FOXK2: variants seen among roughly 807,000 people sequenced by gnomAD.
FOXK2 encodes forkhead box K2, also known as forkhead box protein K2.
Under a neutral mutation model 53.3 loss-of-function variants are expected in FOXK2, and 24 were observed. That is an observed-to-expected ratio of 0.45 (90% confidence interval 0.33 to 0.63). The LOEUF is 0.63. FOXK2 is among the 30% of genes least tolerant of loss of function. The pLI, the probability that FOXK2 is intolerant of heterozygous loss-of-function variation, is 0.03. For missense variants in FOXK2, 952 were observed against 910.5 expected (o/e 1.05, Z -0.59); for synonymous variants, 505 against 407.1 (o/e 1.24, Z -2.89).
chr17:82,558,151 T>C (rs2044752020), intron 1 of FOXK2, among the ~76,000 whole-genome samples: 1 of 152,016 alleles, frequency 6.6e-6, no homozygotes. Context: ...TGGGTGACAT[T>C]GGGAGACCTT....
intron 1 of FOXK2, among the ~76,000 whole-genome samples, chr17:82,521,328 G>T (rs2044359513): frequency 1.3e-5 from 2 of 151,848 alleles, no homozygotes; most frequent in Non-Finnish European, 2.9e-5. Flanking sequence ...GCCTGCCACC[G>T]CGCCCGGCTA....
At chr17:82,524,219 C>G (rs1042021554) in intron 1 of FOXK2, among the ~76,000 whole-genome samples, 1 of 152,208 alleles carries the variant, frequency 6.6e-6, no homozygotes, top group Non-Finnish European at 1.5e-5. Context: ...ATGCTTATTT[C>G]AGATTTGTCT....
At chr17:82,558,935 G>T (rs1265679550) in intron 1 of FOXK2, among the ~76,000 whole-genome samples, 2 of 152,028 alleles carry the variant, frequency 1.3e-5, no homozygotes, top group East Asian at 3.9e-4. Flanking sequence ...TTTTTCAGTA[G>T]AGACGGGGTT....
intron 1 of FOXK2, among the ~76,000 whole-genome samples, chr17:82,529,755 C>G (rs537749575): frequency 8.5e-5 from 13 of 152,282 alleles, no homozygotes; most frequent in Admixed American, 5.9e-4. Flanking sequence ...TAACTCCTCC[C>G]TTTGCAGCTT....
intron 4 of FOXK2, among the ~76,000 whole-genome samples, chr17:82,579,950 A>G (rs1403125288): frequency 8.0e-6 from 1 of 125,514 alleles, no homozygotes; most frequent in Non-Finnish European, 1.7e-5. Context: ...CCTCCTCTCC[A>G]TGTCGCCCAT....
chr17:82,550,197 A>AACAC lies in FOXK2; in HGVS notation c.420-13141_420-13138dup, dbSNP rs144639667. On this transcript the variant is annotated intron_variant, in intron 1 of 8. Coordinates refer to ENST00000335255, the MANE Select transcript of FOXK2 (RefSeq NM_004514.4). ...CACTGCAAGACCTTGTCTCTAAACA[A>AACAC]ACACACACACACACACACAAAGAGC... Among the ~76,000 whole-genome samples the AACAC allele has an allele frequency of 3.2e-3, 483 of 150,972 alleles. 1 individual carries two copies. The highest frequency in any genetic ancestry group is 0.01 in the Middle Eastern group (3 of 292).
intron 7 of FOXK2, among the ~76,000 whole-genome samples, 164 bp from the exon 8 acceptor site, chr17:82,586,899 C>G (rs1471295678): frequency 1.3e-5 from 2 of 151,234 alleles, no homozygotes; most frequent in Non-Finnish European, 3.0e-5. Flanking sequence ...AACTCCATCT[C>G]AAAAAACAAA....
At position 82,584,058 on chromosome 17, in the gene FOXK2, C is replaced by A; in HGVS notation, c.1149C>A (p.His383Gln). 6.2e-7 allele frequency: 1 copy of A among 1,611,900 alleles called. No homozygotes were observed. The stretch of plus-strand genomic sequence containing the variant: ...ATCACGCGGGAGTGCTGTCTGCTCA[C>A]TCTAGTGGCGCCCAGACCCCTGAGA... ...SPNHAGVLSA[H>Q]SSGAQTPESL... Residue 383 changes from histidine (H) to glutamine (Q), a missense_variant, in exon 6 of 9, where the codon CAC (histidine) becomes CAA (glutamine). His to Gln is a conservative substitution (Grantham distance 24, BLOSUM62 0). Coordinates refer to ENST00000335255, the MANE Select transcript of FOXK2 (RefSeq NM_004514.4).
intron 8 of FOXK2, among the ~76,000 whole-genome samples, chr17:82,598,212 T>A (rs894191083): frequency 6.6e-6 from 1 of 152,222 alleles, no homozygotes; most frequent in African/African-American, 2.4e-5. Flanking sequence ...TACGTCTTTT[T>A]AAAAATTATT....
intron 1 of FOXK2, among the ~76,000 whole-genome samples, chr17:82,528,112 A>G (rs2044436714): frequency 6.6e-6 from 1 of 152,082 alleles, no homozygotes; most frequent in African/African-American, 2.4e-5. Flanking sequence ...CATGTTTTCA[A>G]GTGCTGATCA....
intron 4 of FOXK2, among the ~76,000 whole-genome samples, chr17:82,581,782 G>A (rs982213787): frequency 1.3e-5 from 2 of 151,976 alleles, no homozygotes; most frequent in Admixed American, 1.3e-4. Context: ...GCCAATTTTT[G>A]TATGTTCAGT....
intron 8 of FOXK2, among the ~76,000 whole-genome samples, chr17:82,590,342 G>A (rs2045240528): frequency 6.6e-6 from 1 of 152,150 alleles, no homozygotes; most frequent in Non-Finnish European, 1.5e-5. Context: ...TTATTTGGGA[G>A]GTAGTGTCTC....
chr17:82,575,295 G>A (rs988661683), intron 4 of FOXK2, among the ~76,000 whole-genome samples: 3 of 152,034 alleles, frequency 2.0e-5, no homozygotes, highest in African/African-American at 4.8e-5. Flanking sequence ...GGTTTATACC[G>A]AAGTGATCTT....
At chr17:82,601,277 G>T (rs774187840) in intron 8 of FOXK2, 26 bp from the exon 9 acceptor site, 1 of 1,602,716 alleles carries the variant, frequency 6.2e-7, no homozygotes, top group Non-Finnish European at 8.5e-7. Flanking sequence ...AGAGCGTGGG[G>T]TTCTGACTCC....
intron 8 of FOXK2, among the ~76,000 whole-genome samples, chr17:82,589,666 TGTC>T (rs2045233947): frequency 1.3e-5 from 2 of 151,670 alleles, no homozygotes; most frequent in African/African-American, 4.9e-5. Flanking sequence ...GAGAGGACAG[TGTC>T]AGCACTGAGG....
intron 4 of FOXK2, chr17:82,578,327 T>C (rs1172966585): frequency 6.6e-6 from 1 of 152,244 alleles, no homozygotes; most frequent in Non-Finnish European, 1.5e-5. Context: ...GGAGGGCTGA[T>C]TTTCAGCAGA....
intron 2 of FOXK2, among the ~76,000 whole-genome samples, chr17:82,566,712 C>T (rs750463412): frequency 5.9e-5 from 9 of 152,154 alleles, no homozygotes; most frequent in Non-Finnish European, 1.0e-4. Context: ...CTCCCAACTC[C>T]GCCTCTCCTC....
intron 1 of FOXK2, among the ~76,000 whole-genome samples, chr17:82,541,977 T>C (rs1242927080): frequency 1.3e-5 from 2 of 150,854 alleles, no homozygotes; most frequent in Non-Finnish European, 3.0e-5. Context: ...ACCTTCCCGG[T>C]TCAAGTGATT....
At chr17:82,525,407 G>C (rs1042640882) in intron 1 of FOXK2, among the ~76,000 whole-genome samples, 2 of 152,106 alleles carry the variant, frequency 1.3e-5, no homozygotes, top group African/African-American at 4.8e-5. Flanking sequence ...CAGAACTCCT[G>C]ACCTCAGGTC....
Sources: allele counts gnomAD v4.1 joint callset (sites outside exome capture counted in the v4.1 genomes callset), GRCh38; gene constraint gnomAD v4.1.1; transcripts MANE v1.5; gene names NCBI Gene and HGNC (gene_info 2026-07-23, HGNC 2026-07-21).